Variants in TENM2 observed in about 807,000 individuals in gnomAD.
TENM2 encodes teneurin transmembrane protein 2.
Under a neutral mutation model 245.2 loss-of-function variants are expected in TENM2, and 52 were observed. That is an observed-to-expected ratio of 0.21 (90% CI 0.17 to 0.27). The LOEUF (loss-of-function observed/expected upper bound fraction) is 0.27, where lower values mean the gene tolerates loss of function less well. Ranked by LOEUF, TENM2 falls within the 10% of genes least tolerant of loss-of-function variation. The probability of loss-of-function intolerance (pLI) is 1.00; values close to 1 mark genes in which losing one functional copy is unlikely to be tolerated. For synonymous variants in TENM2, 1,363 were observed against 1,438.9 expected (o/e 0.95, Z 1.19); for missense variants, 3,046 against 3,666.8 (o/e 0.83, Z 4.37).
At chr5:167,363,730 C>A (rs376651206) in intron 1 of TENM2, among the ~76,000 whole-genome samples, 171 of 89,284 alleles carry the variant, frequency 1.9e-3, no homozygotes, top group South Asian at 3.7e-3. Flanking sequence ...GACTCCATCT[C>A]AAAAAAAAAA....
At chr5:167,975,461 T>G (rs1205748242) in intron 4 of TENM2, among the ~76,000 whole-genome samples, 1 of 152,124 alleles carries the variant, frequency 6.6e-6, no homozygotes. Flanking sequence ...CATTTTTTTT[T>G]TTTTGACGAC....
chr5:168,227,775 G>T, intron 24 of TENM2, 120 bp from the exon 27 acceptor site: 1 of 629,324 alleles, frequency 1.6e-6, no homozygotes, highest in Non-Finnish European at 2.8e-6. Flanking sequence ...GGCAGCCTTC[G>T]ACTAATGGCT....
the TENM2 span, among the ~76,000 whole-genome samples, chr5:167,154,690 T>C: frequency 6.6e-6 from 1 of 152,202 alleles, no homozygotes; most frequent in Non-Finnish European, 1.5e-5. Context: ...CTGTATTCTC[T>C]TTTTTCCATT....
At chr5:168,111,921 A>G (rs1794699510) in intron 9 of TENM2, among the ~76,000 whole-genome samples, 1 of 152,092 alleles carries the variant, frequency 6.6e-6, no homozygotes, top group Non-Finnish European at 1.5e-5. Flanking sequence ...CTAGGTTTTC[A>G]TTCATCTGTT....
chr5:167,905,810 G>T (rs1776044920), intron 3 of TENM2, among the ~76,000 whole-genome samples: 1 of 152,102 alleles, frequency 6.6e-6, no homozygotes, highest in Non-Finnish European at 1.5e-5. Flanking sequence ...TTCAATAGAG[G>T]TGTCACAATG....
intron 3 of TENM2, among the ~76,000 whole-genome samples, chr5:167,952,012 T>G (rs995322679): frequency 6.6e-6 from 1 of 152,172 alleles, no homozygotes; most frequent in Non-Finnish European, 1.5e-5. Flanking sequence ...TTGAGCTCTC[T>G]CCCTCATTCC....
chr5:167,807,869 C>T (rs566200191), intron 2 of TENM2, among the ~76,000 whole-genome samples: 8 of 152,202 alleles, frequency 5.3e-5, no homozygotes, highest in Middle Eastern at 3.4e-3. Context: ...AGGTCACACC[C>T]GTACCAGTGA....
At chr5:167,822,236 A>G (rs754400774) in intron 2 of TENM2, among the ~76,000 whole-genome samples, 1 of 152,042 alleles carries the variant, frequency 6.6e-6, no homozygotes, top group Non-Finnish European at 1.5e-5. Context: ...AAAAAAAATG[A>G]TTATAGAGGG....
intron 3 of TENM2, among the ~76,000 whole-genome samples, chr5:167,911,473 G>A (rs976206467): frequency 6.6e-6 from 1 of 152,248 alleles, no homozygotes; most frequent in South Asian, 2.1e-4. Context: ...CTTGCCGTGA[G>A]CCGAGATCGC....
intron 1 of TENM2, among the ~76,000 whole-genome samples, chr5:167,326,704 T>TAA (rs1413850639): frequency 2.2e-5 from 1 of 46,238 alleles, no homozygotes; most frequent in Non-Finnish European, 4.3e-5. Context: ...AATAAATAAA[T>TAA]ATATATATAT....
chr5:167,582,432 T>TAC (rs1156415607), intron 2 of TENM2, among the ~76,000 whole-genome samples: 3 of 152,324 alleles, frequency 2.0e-5, no homozygotes, highest in Admixed American at 1.3e-4. Flanking sequence ...GTGATTTATA[T>TAC]ACACACACAT....
chr5:167,139,922 G>A, the TENM2 span, among the ~76,000 whole-genome samples: 449 of 152,288 alleles, frequency 2.9e-3, 4 homozygotes, highest in Middle Eastern at 6.8e-3. Context: ...GGAGAAAAAT[G>A]CTAGTCATTT....
chr5:168,037,969 G>A (rs1787857319), intron 5 of TENM2, among the ~76,000 whole-genome samples: 1 of 152,180 alleles, frequency 6.6e-6, no homozygotes, highest in South Asian at 2.1e-4. Context: ...GAAGGAGGGG[G>A]TTCAGGCAAA....
chr5:167,370,169 C>T (rs1044775377), intron 1 of TENM2, among the ~76,000 whole-genome samples: 5 of 151,796 alleles, frequency 3.3e-5, no homozygotes, highest in African/African-American at 4.8e-5. Context: ...GGTGAAACCC[C>T]GTCTCTACTA....
At chr5:167,429,428 G>A (rs940698484) in intron 2 of TENM2, among the ~76,000 whole-genome samples, 5 of 152,084 alleles carry the variant, frequency 3.3e-5, no homozygotes, top group African/African-American at 4.8e-5. Flanking sequence ...GCAGACATCC[G>A]TGTAAACAAG....
intron 17 of TENM2, among the ~76,000 whole-genome samples, chr5:168,202,478 A>G (rs34373271): frequency 0.094 from 14,036 of 150,026 alleles, 715 homozygotes; most frequent in Middle Eastern, 0.14. Flanking sequence ...TCCTTTTGAC[A>G]TGACCCTAAT....
At chr5:167,440,963 C>T (rs1406619578) in intron 2 of TENM2, among the ~76,000 whole-genome samples, 1 of 152,106 alleles carries the variant, frequency 6.6e-6, no homozygotes, top group Non-Finnish European at 1.5e-5. Context: ...TTTTCCTGAC[C>T]AGCATATGGA....
the TENM2 span, among the ~76,000 whole-genome samples, chr5:167,238,726 G>C: frequency 6.9e-6 from 1 of 144,244 alleles, no homozygotes; most frequent in Non-Finnish European, 1.5e-5. Context: ...AAATAAAATA[G>C]TAAGAAATGG....
At chr5:168,004,800 A>T (rs764110904) in intron 5 of TENM2, among the ~76,000 whole-genome samples, 8 of 151,876 alleles carry the variant, frequency 5.3e-5, no homozygotes, top group South Asian at 2.1e-4. Context: ...CCTTGGGGGA[A>T]ATCCAGATTT....
Sources: allele counts gnomAD v4.1 joint callset (sites outside exome capture counted in the v4.1 genomes callset), GRCh38; gene constraint gnomAD v4.1.1; transcripts MANE v1.5; gene names NCBI Gene and HGNC (gene_info 2026-07-23, HGNC 2026-07-21).